SYT1: variants seen among roughly 807,000 people sequenced by gnomAD.
SYT1 encodes the protein synaptotagmin-1.
SYT1 carries 8 observed loss-of-function variants against 44.8 expected under a neutral mutation model. The observed-to-expected ratio is 0.18, with a 90% CI of 0.10 to 0.32. The LOEUF (loss-of-function observed/expected upper bound fraction) is 0.32, where lower values mean the gene tolerates loss of function less well. SYT1 is among the 10% of genes least tolerant of loss of function. The pLI is 1.00. For synonymous variants in SYT1, 154 were observed against 188.8 expected, an observed-to-expected ratio of 0.82 and a Z score of 1.51; for missense variants, 286 against 509.3, an observed-to-expected ratio of 0.56 and a Z score of 4.22.
rs185127487 is a variant in SYT1 at position 79,019,112 on chromosome 12, C to A, written c.-83-28185C>A. On this transcript the variant is annotated intron_variant, in intron 2 of 10. Coordinates refer to ENST00000261205, the MANE Select transcript of SYT1 (RefSeq NM_005639.3). ...TTGTTTCTCTCCTTTATTCAATCAA[C>A]AAGCAGTTTTTGAAGTGTTGTCCTG... Among the ~76,000 whole-genome samples, 3 of 152,060 alleles carry A rather than the reference C, an allele frequency of 2.0e-5. No homozygotes were observed. In the East Asian group the frequency reaches 5.8e-4, roughly 29 times the overall value.
Position 79,449,118 on chromosome 12 carries a change from G to C in SYT1, c.1263G>C (p.Lys421Asn). The C allele has an allele frequency of 6.2e-7, 1 of 1,606,816 alleles. No homozygotes were observed. Among genetic ancestry groups the C allele is most frequent in the South Asian group, 1.1e-5 (1 of 90,190 alleles). Residue 421 changes from lysine (K) to asparagine (N), a missense_variant, in exon 11 of 11, where the codon AAG becomes AAC. Coordinates refer to ENST00000261205, the MANE Select transcript of SYT1 (RefSeq NM_005639.3). ...AAGTTGATGCCATGCTGGCCGTCAA[G>C]AAGTAAAGGAAAGAAGAAGCCTTTC... ...EEEVDAMLAV[K>N]K
chr12:79,064,970 A>AAGAAAGAAAGAAAGAAAGAAAG (rs1565789391), intron 3 of SYT1, among the ~76,000 whole-genome samples: 67 of 150,740 alleles, frequency 4.4e-4, no homozygotes, highest in African/African-American at 1.5e-3. Flanking sequence ...GAAAGAAAGA[A>AAGAAAGAAAGAAAGAAAGAAAG]AGAAAGAAAG....
chr12:79,402,057 A>G (rs1362921368), intron 9 of SYT1, among the ~76,000 whole-genome samples: 1 of 152,158 alleles, frequency 6.6e-6, no homozygotes, highest in African/African-American at 2.4e-5. Flanking sequence ...GTAAGCCAGC[A>G]TTGTTGGCCT....
In SYT1 at chr12:79,021,235, G is replaced by T. The variant is rs1172101887; in HGVS notation, c.-83-26062G>T. Among the ~76,000 whole-genome samples the T allele has an allele frequency of 2.6e-5, 4 of 151,878 alleles. No homozygotes were observed. In the South Asian group the frequency reaches 8.3e-4, roughly 31 times the overall value. On this transcript the variant is annotated intron_variant, in intron 2 of 10. Coordinates refer to ENST00000261205, the MANE Select transcript of SYT1 (RefSeq NM_005639.3). ...CTGCAGCAGGCTGCACATTTGGCTA[G>T]GAGACAACTGAGTTATAAAATTGGT...
At chr12:79,195,057 G>A (rs1592842320) in intron 3 of SYT1, among the ~76,000 whole-genome samples, 1 of 152,124 alleles carries the variant, frequency 6.6e-6, no homozygotes, top group South Asian at 2.1e-4. Flanking sequence ...ATTGTTAACT[G>A]AGCCCATTTT....
chr12:78,958,327 C>CT (rs1392676146), intron 1 of SYT1, among the ~76,000 whole-genome samples: 1 of 150,720 alleles, frequency 6.6e-6, no homozygotes, highest in Non-Finnish European at 1.5e-5. Context: ...GTTTTTTTTT[C>CT]TTTTTTTCCC....
chr12:79,383,249 A>C (rs766851492), intron 9 of SYT1, among the ~76,000 whole-genome samples: 1 of 152,196 alleles, frequency 6.6e-6, no homozygotes, highest in Non-Finnish European at 1.5e-5. Context: ...ACAAACCTTT[A>C]GAGAATATTA....
intron 3 of SYT1, among the ~76,000 whole-genome samples, chr12:79,148,507 A>G (rs1272007962): frequency 1.3e-5 from 2 of 152,138 alleles, no homozygotes; most frequent in African/African-American, 4.8e-5. Flanking sequence ...TATTAGACAC[A>G]TGCTTCACGG....
At chr12:79,240,228 T>C (rs1283598119) in intron 4 of SYT1, among the ~76,000 whole-genome samples, 1 of 152,216 alleles carries the variant, frequency 6.6e-6, no homozygotes, top group African/African-American at 2.4e-5. Context: ...AAAGAATTGT[T>C]ACTTTATGAA....
intron 1 of SYT1, among the ~76,000 whole-genome samples, chr12:78,937,374 T>G (rs1382032628): frequency 1.3e-5 from 2 of 152,106 alleles, no homozygotes; most frequent in East Asian, 3.8e-4. Flanking sequence ...GCCTTTAAAT[T>G]CTATAAGTTG....
At chr12:79,197,661 A>G (rs912195832) in intron 3 of SYT1, among the ~76,000 whole-genome samples, 5 of 152,216 alleles carry the variant, frequency 3.3e-5, no homozygotes, top group African/African-American at 2.4e-5. Flanking sequence ...TATTCTTAAT[A>G]ATGATCAAAG....
intron 1 of SYT1, among the ~76,000 whole-genome samples, chr12:78,924,763 A>T (rs2137175909): frequency 6.6e-6 from 1 of 151,180 alleles, no homozygotes; most frequent in South Asian, 2.1e-4. Context: ...GTGTCTCCAT[A>T]ATTCTTTGAA....
intron 9 of SYT1, among the ~76,000 whole-genome samples, chr12:79,362,793 G>A (rs1198809436): frequency 1.3e-5 from 2 of 152,124 alleles, no homozygotes; most frequent in Admixed American, 6.5e-5. Flanking sequence ...AGATAAAAGG[G>A]ATAGCTATTC....
chr12:79,328,613 G>A (rs1329383715), intron 8 of SYT1, among the ~76,000 whole-genome samples: 1 of 152,132 alleles, frequency 6.6e-6, no homozygotes, highest in African/African-American at 2.4e-5. Flanking sequence ...TTGGGAGGCT[G>A]AGGCGGGCAG....
At chr12:79,196,926 C>T (rs1193767595) in intron 3 of SYT1, among the ~76,000 whole-genome samples, 1 of 152,192 alleles carries the variant, frequency 6.6e-6, no homozygotes, top group African/African-American at 2.4e-5. Context: ...TGATGCTGCT[C>T]TTCTGCAGAT....
At chr12:79,052,017 T>C (rs1207756753) in intron 3 of SYT1, among the ~76,000 whole-genome samples, 4 of 152,144 alleles carry the variant, frequency 2.6e-5, no homozygotes, top group Non-Finnish European at 5.9e-5. Flanking sequence ...GCAGGCTCTT[T>C]TTTGGTTCCA....
intron 3 of SYT1, among the ~76,000 whole-genome samples, chr12:79,066,342 T>C (rs373764847): frequency 8.5e-5 from 13 of 152,224 alleles, no homozygotes; most frequent in Admixed American, 3.3e-4. Context: ...ACTGGACATA[T>C]AAGCAAACCT....
intron 4 of SYT1, among the ~76,000 whole-genome samples, chr12:79,257,367 A>G (rs937138908): frequency 2.6e-5 from 4 of 152,278 alleles, no homozygotes; most frequent in African/African-American, 9.6e-5. Context: ...TCTATTTATC[A>G]TCTTGCCAGT....
chr12:78,947,651 A>G (rs1878737047), intron 1 of SYT1, among the ~76,000 whole-genome samples: 1 of 152,142 alleles, frequency 6.6e-6, no homozygotes, highest in Non-Finnish European at 1.5e-5. Flanking sequence ...AAAGCTAGAA[A>G]TAGCTAATGT....
Sources: allele counts gnomAD v4.1 joint callset (sites outside exome capture counted in the v4.1 genomes callset), GRCh38; gene constraint gnomAD v4.1.1; transcripts MANE v1.5; gene names NCBI Gene and HGNC (gene_info 2026-07-23, HGNC 2026-07-21).